The following GSE1 variants were observed in gnomAD, a reference collection of about 807,000 sequenced individuals.
The protein encoded by GSE1 is genetic suppressor element 1.
GSE1 carries 32 observed loss-of-function variants against 112.6 expected under a neutral mutation model. The ratio of observed to expected loss-of-function variants is 0.28; its 90% CI spans 0.21 to 0.38. The LOEUF (loss-of-function observed/expected upper bound fraction) is 0.38, where lower values mean the gene tolerates loss of function less well. Ranked by LOEUF, GSE1 falls within the 10% of genes least tolerant of loss-of-function variation. GSE1 has a pLI of 1.00. For synonymous variants in GSE1, 1,115 were observed against 735.6 expected (o/e 1.52, Z -8.35); for missense variants, 2,348 against 1,699.2 (o/e 1.38, Z -6.71).
chr16:85,591,781 C>T (rs1176949086), intron 1 of GSE1, among the ~76,000 whole-genome samples: 1 of 152,220 alleles, frequency 6.6e-6, no homozygotes. Flanking sequence ...CAGCCAGGGA[C>T]GGTTCTGGGT....
intron 6 of GSE1, 24 bp downstream of exon 6, chr16:85,655,941 G>C (rs201125766): frequency 7.0e-6 from 11 of 1,569,778 alleles, no homozygotes; most frequent in African/African-American, 2.7e-5. Flanking sequence ...GAGCCGAGGA[G>C]CCCCTCTGCC....
upstream of GSE1, chr16:85,613,204 C>A (rs537449292): frequency 6.9e-7 from 1 of 1,445,966 alleles, no homozygotes; most frequent in Non-Finnish European, 9.1e-7. Flanking sequence ...GGCGGCGTTG[C>A]GTTTGGGTGT....
chr16:85,516,276 C>G (rs2051932687), intron 2 of GSE1, among the ~76,000 whole-genome samples: 1 of 152,010 alleles, frequency 6.6e-6, no homozygotes, highest in African/African-American at 2.4e-5. Context: ...CAGGCTGCTG[C>G]TCTACCTGTG....
chr16:85,185,692 CT>C (rs932489429), intron 1 of GSE1, among the ~76,000 whole-genome samples: 1 of 152,264 alleles, frequency 6.6e-6, no homozygotes, highest in African/African-American at 2.4e-5. Context: ...TCTGGCTCCC[CT>C]GGTCTGTGTG....
At chr16:85,555,508 C>G (rs2045158563), upstream of GSE1, 3 of 984,936 alleles carry the variant, frequency 3.0e-6, no homozygotes, top group African/African-American at 5.2e-5. Flanking sequence ...GAGAAGAAAT[C>G]TCCCCCTCGG....
At chr16:85,225,170 C>T (rs1045277062) in intron 1 of GSE1, among the ~76,000 whole-genome samples, 1 of 151,924 alleles carries the variant, frequency 6.6e-6, no homozygotes, top group Non-Finnish European at 1.5e-5. Flanking sequence ...CACGTGGGAT[C>T]ACAGGGAGCT....
At chr16:85,477,430 T>G (rs7191520) in intron 2 of GSE1, among the ~76,000 whole-genome samples, 62,436 of 151,692 alleles carry the variant, frequency 0.41, 14,190 homozygotes, top group Non-Finnish European at 0.49. Context: ...CCAGCCACAG[T>G]CAAACATGCC....
chr16:85,516,457 C>CAAAAAAA, intron 2 of GSE1, among the ~76,000 whole-genome samples: 1 of 69,444 alleles, frequency 1.4e-5, no homozygotes. Context: ...CCCATCTCTA[C>CAAAAAAA]AAAAAAAAAA....
intron 1 of GSE1, among the ~76,000 whole-genome samples, chr16:85,574,959 C>G (rs1169905725): frequency 2.6e-5 from 4 of 152,306 alleles, no homozygotes; most frequent in Admixed American, 2.6e-4. Flanking sequence ...TCGCACCCTC[C>G]CGACAAGGCC....
At chr16:85,638,116 G>A (rs1418756500) in intron 2 of GSE1, among the ~76,000 whole-genome samples, 3 of 152,160 alleles carry the variant, frequency 2.0e-5, no homozygotes, top group East Asian at 1.9e-4. Flanking sequence ...CACGCCTGAC[G>A]ACTTCTGGAA....
chr16:85,352,577 G>A (rs2046871990), intron 1 of GSE1, among the ~76,000 whole-genome samples: 1 of 152,208 alleles, frequency 6.6e-6, no homozygotes. Flanking sequence ...AGAAGACACA[G>A]CACATATGCA....
At chr16:85,283,050 C>T (rs562470693) in intron 1 of GSE1, 3 of 152,776 alleles carry the variant, frequency 2.0e-5, no homozygotes, top group Admixed American at 2.0e-4. Context: ...GAGGCGGCTC[C>T]CTCCCACGGT....
At chr16:85,455,122 G>A (rs141849182) in intron 2 of GSE1, among the ~76,000 whole-genome samples, 14 of 152,342 alleles carry the variant, frequency 9.2e-5, no homozygotes, top group African/African-American at 3.4e-4. Flanking sequence ...AGCGCCCTGC[G>A]GCTGCAATAA....
At chr16:85,664,153 GA>G (rs1429202067) in intron 11 of GSE1, among the ~76,000 whole-genome samples, 3 of 152,246 alleles carry the variant, frequency 2.0e-5, no homozygotes, top group Non-Finnish European at 4.4e-5. Flanking sequence ...CCATATAGCA[GA>G]AGAAACAACG....
At chr16:85,611,422 T>C (rs532165113), upstream of GSE1, 9 of 977,128 alleles carry the variant, frequency 9.2e-6, no homozygotes, top group South Asian at 4.3e-4. Flanking sequence ...GTGTGGTGCG[T>C]AAATTATAGC....
intron 1 of GSE1, among the ~76,000 whole-genome samples, chr16:85,215,237 C>T (rs2075289082): frequency 6.6e-6 from 1 of 152,180 alleles, no homozygotes; most frequent in South Asian, 2.1e-4. Flanking sequence ...TCACTTGTGT[C>T]ATCTTTAAAA....
chr16:85,523,164 T>C (rs1032916006), intron 2 of GSE1, among the ~76,000 whole-genome samples: 1 of 151,060 alleles, frequency 6.6e-6, no homozygotes, highest in Non-Finnish European at 1.5e-5. Flanking sequence ...GTGTGTTGTG[T>C]GTATGTGGCT....
chr16:85,655,713 C>G lies in GSE1; in HGVS notation c.798-13C>G, dbSNP rs373629509. ...GTTCATTTGCTGCTCACAGCCCCGT[C>G]TTCTCTGCACAGGATGGACGACTCC... is the stretch of plus-strand genomic sequence containing the variant. On this transcript the variant is annotated splice_polypyrimidine_tract_variant and intron_variant, in intron 5 of 15. Coordinates refer to ENST00000253458, the MANE Select transcript of GSE1 (RefSeq NM_014615.5). 1 of 1,571,316 alleles carries G rather than the reference C, an allele frequency of 6.4e-7. No homozygotes were observed. Among genetic ancestry groups the G allele is most frequent in the East Asian group, 2.3e-5 (1 of 44,338 alleles).
rs530485008 is a variant in GSE1 at position 85,674,317 on chromosome 16, G to A, written c.*1778G>A. 6.6e-6 allele frequency: 1 copy of A among 152,262 alleles called. No individual in the cohort carries two copies. The highest frequency in any genetic ancestry group is 1.9e-4 in the East Asian group (1 of 5,200). The allele number at this position is 152,262 out of a possible 1,614,324, so 9.4% of individuals were successfully genotyped here. ...TTGTACGTCTGCCAAGAATCTTCCA[G>A]TTATTAGCAAACTCAGACGAATGTA... On this transcript the variant is annotated 3_prime_UTR_variant, in exon 16 of 16. Transcript: ENST00000253458.
Sources: gnomAD v4.1 joint callset for allele counts (sites outside exome capture counted in the v4.1 genomes callset) on GRCh38, gnomAD v4.1.1 for gene constraint, MANE v1.5 for transcripts, NCBI Gene and HGNC (gene_info 2026-07-23, HGNC 2026-07-21) for gene names.